The following VPS37A variants were observed in gnomAD, a reference collection of about 807,000 sequenced individuals.
VPS37A encodes the protein vacuolar protein sorting-associated protein 37A.
In VPS37A, 30 loss-of-function variants were observed where a neutral mutation model predicts 49.8. That is an observed-to-expected ratio of 0.60 (90% CI 0.45 to 0.82). VPS37A has a LOEUF of 0.82. VPS37A is among the 40% of genes least tolerant of loss of function. VPS37A has a pLI of 0.00. For missense variants in VPS37A, 593 were observed against 464.4 expected (o/e 1.28, Z -2.55); for synonymous variants, 195 against 160.6 (o/e 1.21, Z -1.62).
At chr8:17,328,783 T>C in the VPS37A span, among the ~76,000 whole-genome samples, 4 of 152,194 alleles carry the variant, frequency 2.6e-5, no homozygotes, top group Non-Finnish European at 5.9e-5. Context: ...ATCTATATTA[T>C]CAAAAGGGAA....
At chr8:17,286,294 A>G in intron 10 of VPS37A, 53 bp from the exon 11 acceptor site, 1 of 1,418,946 alleles carries the variant, frequency 7.0e-7, no homozygotes. Context: ...GAAGTAAAGT[A>G]GTAGGCATAT....
At chr8:17,258,129 A>G (rs1237644470) in intron 1 of VPS37A, among the ~76,000 whole-genome samples, 1 of 151,966 alleles carries the variant, frequency 6.6e-6, no homozygotes, top group Non-Finnish European at 1.5e-5. Context: ...TCCATTTTAG[A>G]TGCTGTTTAT....
the VPS37A span, among the ~76,000 whole-genome samples, chr8:17,310,755 C>T: frequency 2.0e-5 from 3 of 152,294 alleles, no homozygotes; most frequent in Admixed American, 2.0e-4. Flanking sequence ...GGAGACCCAG[C>T]AGTAAAGATA....
chr8:17,315,891 C>G, the VPS37A span, among the ~76,000 whole-genome samples: 2 of 152,098 alleles, frequency 1.3e-5, no homozygotes, highest in African/African-American at 4.8e-5. Flanking sequence ...CACATGCCTA[C>G]TGTCCCAGCT....
the VPS37A span, among the ~76,000 whole-genome samples, chr8:17,320,042 C>G: frequency 1.3e-5 from 2 of 152,174 alleles, no homozygotes; most frequent in South Asian, 2.1e-4. Context: ...TGCAAAAACA[C>G]TTCATTACTA....
At chr8:17,278,014 T>G (rs1271750587) in intron 6 of VPS37A, among the ~76,000 whole-genome samples, 2 of 152,068 alleles carry the variant, frequency 1.3e-5, no homozygotes, top group Non-Finnish European at 2.9e-5. Context: ...TAGTGTGTGT[T>G]TATTAAATTG....
intron 1 of VPS37A, among the ~76,000 whole-genome samples, chr8:17,252,430 G>A (rs577110165): frequency 2.0e-5 from 3 of 152,260 alleles, no homozygotes; most frequent in African/African-American, 7.2e-5. Flanking sequence ...TGCCTGGCTT[G>A]GCCTCCCAAA....
downstream of VPS37A, chr8:17,304,411 A>T (rs1817317849): frequency 6.2e-7 from 1 of 1,613,916 alleles, no homozygotes; most frequent in Admixed American, 1.7e-5. Context: ...TTGTAGGGAG[A>T]TGAAGGGTTC....
At chr8:17,324,640 C>T in the VPS37A span, among the ~76,000 whole-genome samples, 2 of 152,194 alleles carry the variant, frequency 1.3e-5, no homozygotes, top group Non-Finnish European at 2.9e-5. Flanking sequence ...ATGACCATGT[C>T]GATAGCCAGT....
intron 11 of VPS37A, 131 bp downstream of exon 11, chr8:17,286,558 T>C: frequency 4.3e-6 from 3 of 691,458 alleles, no homozygotes; most frequent in East Asian, 5.6e-5. Flanking sequence ...CTATGTAACA[T>C]AGAATGCTTT....
chr8:17,314,080 C>T, the VPS37A span, among the ~76,000 whole-genome samples: 1 of 152,156 alleles, frequency 6.6e-6, no homozygotes, highest in South Asian at 2.1e-4. Context: ...GGTGTATAAA[C>T]ACCTCTATAA....
chr8:17,293,933 A>C (rs1313391791), intron 11 of VPS37A, among the ~76,000 whole-genome samples: 1 of 152,190 alleles, frequency 6.6e-6, no homozygotes, highest in Non-Finnish European at 1.5e-5. Context: ...CGGTGGTCAG[A>C]GAACCACTTG....
At chr8:17,265,073 A>G (rs1316310605) in intron 1 of VPS37A, among the ~76,000 whole-genome samples, 2 of 152,212 alleles carry the variant, frequency 1.3e-5, no homozygotes, top group Non-Finnish European at 2.9e-5. Context: ...TCAGAGTTTG[A>G]CAGTTGCATA....
the VPS37A span, among the ~76,000 whole-genome samples, chr8:17,330,265 T>G: frequency 4.6e-4 from 70 of 152,228 alleles, 2 homozygotes; most frequent in Non-Finnish European, 1.2e-4. Flanking sequence ...CCCTCTTCAT[T>G]CCAGAGCCTG....
intron 4 of VPS37A, 47 bp downstream of exon 4, chr8:17,269,003 T>A: frequency 7.6e-7 from 1 of 1,307,924 alleles, no homozygotes; most frequent in Middle Eastern, 1.9e-4. Flanking sequence ...TATTTTAATG[T>A]ATTAATCAAA....
chr8:17,273,022 C>CTTTTTTTTTTTTTTTTTTTTTT lies in VPS37A; in HGVS notation c.417-1711_417-1710insTTTTTTTTTTTTTTTTTTTTTT, dbSNP rs1563263775. 2.5e-5 allele frequency among the ~76,000 whole-genome samples: 2 copies of CTTTTTTTTTTTTTTTTTTTTTT among 80,148 alleles called. 1 individual carries two copies. Among genetic ancestry groups the CTTTTTTTTTTTTTTTTTTTTTT allele is most frequent in the Admixed American group, 2.9e-4 (2 of 6,904 alleles). The allele number at this position is 80,148 out of a possible 152,430, so 52.6% of individuals were successfully genotyped here. ...ATGAATGGTAGCATATTTTGCCCTT[C>CTTTTTTTTTTTTTTTTTTTTTT]CTTTTTTTTTTTTTTTTTTTTTTTT... is the stretch of plus-strand genomic sequence containing the variant. On this transcript the variant is annotated intron_variant, in intron 4 of 11. Transcript: ENST00000324849.
In VPS37A at chr8:17,274,391, T is replaced by C. The variant is rs951279454; in HGVS notation, c.417-342T>C. On this transcript the variant is annotated intron_variant, in intron 4 of 11. Transcript: ENST00000324849. Reference sequence around the variant, plus strand: ...GGATTAAATATTGCTCTGCATTCCCTCTATGGAGATACTGATTGATAGCAG... The same window carrying C: ...GGATTAAATATTGCTCTGCATTCCCCCTATGGAGATACTGATTGATAGCAG... Among the ~76,000 whole-genome samples, 4 of 152,200 alleles carry C rather than the reference T, an allele frequency of 2.6e-5. No individual in the cohort carries two copies. In the East Asian group the frequency reaches 5.8e-4, roughly 22 times the overall value.
rs150006983 is a variant in VPS37A at position 17,290,157 on chromosome 8, T to G, written c.*3730T>G. On this transcript the variant is annotated intron_variant, in intron 11 of 11. Coordinates refer to ENST00000324849, the MANE Select transcript of VPS37A (RefSeq NM_152415.3). ...GGGTCATCTGCAAACAGAGAAAAAT[T>G]GACTTCCTCTTTTCCTATTTGAATA... 2.4e-4 allele frequency among the ~76,000 whole-genome samples: 36 copies of G among 152,342 alleles called. No homozygotes were observed. In the East Asian group the frequency reaches 6.9e-3, roughly 29 times the overall value.
chr8:17,255,344 G>T (rs1812342608), intron 1 of VPS37A, among the ~76,000 whole-genome samples: 1 of 151,988 alleles, frequency 6.6e-6, no homozygotes, highest in African/African-American at 2.4e-5. Context: ...AGCCGGGCAT[G>T]GTAGCAGGCG....
Sources: gnomAD v4.1 joint callset for allele counts (sites outside exome capture counted in the v4.1 genomes callset) on GRCh38, gnomAD v4.1.1 for gene constraint, MANE v1.5 for transcripts, NCBI Gene and HGNC (gene_info 2026-07-23, HGNC 2026-07-21) for gene names.